GUCY2C: variants seen among roughly 807,000 people sequenced by gnomAD.
GUCY2C encodes guanylyl cyclase C.
In GUCY2C, 118 loss-of-function variants were observed where a neutral mutation model predicts 131.1. That is an observed-to-expected ratio of 0.90 (90% CI 0.78 to 1.05). The LOEUF (loss-of-function observed/expected upper bound fraction) is 1.05. Among genes scored for constraint, GUCY2C ranks in the 50% least tolerant of loss-of-function variants. GUCY2C has a pLI of 0.00. For missense variants in GUCY2C, 1,161 were observed against 1,304.4 expected (o/e 0.89, Z 1.69); for synonymous variants, 452 against 457.8 (o/e 0.99, Z 0.16).
chr12:14,618,368 A>C (rs1020778613), intron 24 of GUCY2C, among the ~76,000 whole-genome samples: 1 of 152,078 alleles, frequency 6.6e-6, no homozygotes, highest in Non-Finnish European at 1.5e-5. Context: ...TTAAAAAATT[A>C]GCTGTGCATG....
At chr12:14,691,323 A>G (rs1475067812) in intron 1 of GUCY2C, among the ~76,000 whole-genome samples, 1 of 152,226 alleles carries the variant, frequency 6.6e-6, no homozygotes, top group Non-Finnish European at 1.5e-5. Flanking sequence ...TGGGTTTAAT[A>G]GCAGTTCACA....
intron 17 of GUCY2C, among the ~76,000 whole-genome samples, chr12:14,641,665 G>A (rs181559606): frequency 1.3e-5 from 2 of 152,276 alleles, no homozygotes; most frequent in East Asian, 1.9e-4. Flanking sequence ...TTGGCCAGGC[G>A]TAGTGGCTTA....
chr12:14,675,827 T>A (rs1302761633), intron 7 of GUCY2C, among the ~76,000 whole-genome samples: 1 of 152,208 alleles, frequency 6.6e-6, no homozygotes, highest in Non-Finnish European at 1.5e-5. Flanking sequence ...TCAAGTAATA[T>A]CCAGATATTA....
chr12:14,661,327 G>T (rs766710658), intron 10 of GUCY2C, among the ~76,000 whole-genome samples: 2 of 152,088 alleles, frequency 1.3e-5, no homozygotes, highest in South Asian at 4.1e-4. Context: ...ATCACCAAAT[G>T]TTACACAAAC....
chr12:14,614,604 G>T lies in GUCY2C; in HGVS notation c.3047+263C>A, dbSNP rs549663973. On this transcript the variant is annotated intron_variant, in intron 26 of 26. Coordinates refer to ENST00000261170, the MANE Select transcript of GUCY2C (RefSeq NM_004963.4). Reference sequence around the variant, plus strand: ...ATACTGAGCCCCCACATCTGATTCAGGGAAGCAAGTCTGTGTTCCAGACAG... The same window carrying T: ...ATACTGAGCCCCCACATCTGATTCATGGAAGCAAGTCTGTGTTCCAGACAG... 1.5e-3 allele frequency: 602 copies of T among 406,096 alleles called. 5 individuals are homozygous for T. The highest frequency in any genetic ancestry group is 0.011 in the African/African-American group (537 of 47,100). 25.2% of individuals were successfully genotyped at this position (406,096 alleles called of 1,614,324 possible). A position where few individuals can be genotyped will look rare whatever the true frequency, so the allele number is the denominator to read the frequency against.
intron 5 of GUCY2C, among the ~76,000 whole-genome samples, chr12:14,680,397 G>A (rs1481778651): frequency 2.6e-5 from 4 of 152,086 alleles, no homozygotes; most frequent in Non-Finnish European, 4.4e-5. Context: ...ATGCTGCCCT[G>A]TTGAATTGTA....
At chr12:14,651,773 C>A (rs950051705) in intron 14 of GUCY2C, among the ~76,000 whole-genome samples, 186 bp downstream of exon 14, 1 of 152,102 alleles carries the variant, frequency 6.6e-6, no homozygotes, top group Non-Finnish European at 1.5e-5. Context: ...TAGTAGATTT[C>A]CAGAATTTTT....
chr12:14,693,996 A>G (rs1245035886), intron 1 of GUCY2C, among the ~76,000 whole-genome samples: 1 of 152,208 alleles, frequency 6.6e-6, no homozygotes, highest in East Asian at 1.9e-4. Flanking sequence ...AATAACAACA[A>G]CAGCAACAAC....
chr12:14,647,632 T>C (rs1947548643), intron 15 of GUCY2C, among the ~76,000 whole-genome samples: 1 of 152,206 alleles, frequency 6.6e-6, no homozygotes, highest in African/African-American at 2.4e-5. Context: ...CAGCACATCA[T>C]TGATTCCTAT....
At chr12:14,695,800 G>T (rs570045299) in intron 1 of GUCY2C, among the ~76,000 whole-genome samples, 2 of 151,968 alleles carry the variant, frequency 1.3e-5, no homozygotes, top group African/African-American at 4.8e-5. Context: ...TCCTGGAACC[G>T]GGCAATAAAC....
intron 26 of GUCY2C, among the ~76,000 whole-genome samples, chr12:14,614,139 A>G (rs978438968): frequency 2.0e-5 from 3 of 152,156 alleles, no homozygotes; most frequent in East Asian, 1.9e-4. Context: ...CAAGACATGC[A>G]TGAAGTGAAC....
chr12:14,671,895 A>G (rs979611262), intron 9 of GUCY2C, among the ~76,000 whole-genome samples: 7 of 152,264 alleles, frequency 4.6e-5, no homozygotes, highest in Admixed American at 3.9e-4. Context: ...AAGGTTCAAT[A>G]TAGTATCTAG....
At chr12:14,656,918 C>T (rs892290405) in intron 11 of GUCY2C, among the ~76,000 whole-genome samples, 14 of 152,192 alleles carry the variant, frequency 9.2e-5, no homozygotes, top group Admixed American at 6.5e-4. Context: ...TGAAACTGTT[C>T]CACCTCAGAT....
intron 10 of GUCY2C, among the ~76,000 whole-genome samples, chr12:14,661,768 G>A (rs923999180): frequency 6.6e-6 from 1 of 152,174 alleles, no homozygotes; most frequent in Admixed American, 6.6e-5. Context: ...GCACATGCCG[G>A]AAGAAAAGTA....
intron 19 of GUCY2C, among the ~76,000 whole-genome samples, chr12:14,636,582 G>A (rs1947274553): frequency 6.6e-6 from 1 of 152,104 alleles, no homozygotes; most frequent in African/African-American, 2.4e-5. Context: ...ACTGGAACTA[G>A]ACAAGGATGC....
intron 17 of GUCY2C, among the ~76,000 whole-genome samples, 165 bp from the exon 18 acceptor site, chr12:14,641,384 G>T (rs891151495): frequency 2.0e-5 from 3 of 152,074 alleles, no homozygotes; most frequent in Non-Finnish European, 4.4e-5. Flanking sequence ...AAAAATTTTT[G>T]CTAATCCTGG....
intron 10 of GUCY2C, among the ~76,000 whole-genome samples, chr12:14,666,998 T>TG (rs1481354361): frequency 6.6e-6 from 1 of 152,090 alleles, no homozygotes; most frequent in East Asian, 1.9e-4. Context: ...AATGTTCACT[T>TG]TAGGAACACT....
rs147296490 is a variant in GUCY2C at position 14,625,781 on chromosome 12, C to T, written c.2384G>A (p.Arg795Lys). 3.3e-4 allele frequency: 535 copies of T among 1,613,964 alleles called. No homozygotes were observed. Among genetic ancestry groups the T allele is most frequent in the Non-Finnish European group, 4.4e-4 (517 of 1,179,910 alleles). ...CCTTGGAAGCAACATAAAGTTAAGT[C>T]TGTCAGCCCTGTCCCTCTCTGCCTT... Reference protein sequence around the residue: ...LYKAERDRADRLNFMLLPRLV... With the variant: ...LYKAERDRADKLNFMLLPRLV... Residue 795 changes from arginine to lysine, a missense_variant, in exon 21 of 27, where the codon AGA becomes AAA. Arg to Lys is a conservative substitution (Grantham distance 26). Coordinates refer to ENST00000261170, the MANE Select transcript of GUCY2C (RefSeq NM_004963.4).
chr12:14,639,850 A>G lies in GUCY2C; in HGVS notation c.2157+12T>C. 1 of 1,457,228 alleles carries G rather than the reference A, an allele frequency of 6.9e-7. No homozygotes were observed. 90.3% of individuals were successfully genotyped at this position (1,457,228 alleles called of 1,614,324 possible). A position where few individuals can be genotyped will look rare whatever the true frequency, so the allele number is the denominator to read the frequency against. On this transcript the variant is annotated intron_variant, in intron 19 of 26. Transcript: ENST00000261170. ...GCAGGCCAAGGAAATGAATACGGGA[A>G]GATATACTCACTTCTAGCTCTTTTT...
Sources: gnomAD v4.1 joint callset for allele counts (sites outside exome capture counted in the v4.1 genomes callset) on GRCh38, gnomAD v4.1.1 for gene constraint, MANE v1.5 for transcripts, NCBI Gene and HGNC (gene_info 2026-07-23, HGNC 2026-07-21) for gene names.